DLEC1: variants seen among roughly 807,000 people sequenced by gnomAD.
DLEC1 encodes DLEC1 cilia and flagella associated protein, also known as deleted in lung and esophageal cancer protein 1.
A neutral mutation model predicts 198.1 loss-of-function variants in DLEC1; 146 were observed. That is an observed-to-expected ratio of 0.74 (90% CI 0.64 to 0.85). DLEC1 has a LOEUF of 0.85. Among genes scored for constraint, DLEC1 ranks in the 40% least tolerant of loss-of-function variants. The probability of loss-of-function intolerance (pLI) is 0.00; values close to 1 mark genes in which losing one functional copy is unlikely to be tolerated. For synonymous variants in DLEC1, 897 were observed against 866.8 expected, an observed-to-expected ratio of 1.03 and a Z score of -0.61; for missense variants, 2,233 against 2,220.0, an observed-to-expected ratio of 1.01 and a Z score of -0.12.
intron 2 of DLEC1, among the ~76,000 whole-genome samples, chr3:38,047,835 T>G (rs931363007): frequency 4.6e-5 from 7 of 152,366 alleles, no homozygotes; most frequent in Middle Eastern, 3.4e-3. Flanking sequence ...CTAATGGTAA[T>G]AATAATTCTA....
In DLEC1 at chr3:38,093,721, A is replaced by G; in HGVS notation, c.1873A>G (p.Asn625Asp). The G allele has an allele frequency of 6.2e-7, 1 of 1,614,214 alleles. No individual in the cohort carries two copies. The highest frequency in any genetic ancestry group is 1.1e-5 in the South Asian group (1 of 91,090). ...AQHFIRFEPENLRSTARKQLI... is the reference protein window; with the variant it reads ...AQHFIRFEPEDLRSTARKQLI... ...GCACTTCATACGATTTGAGCCTGAA[A>G]ACCTTCGGTCCACGGCTAGGAAGCA... The change falls in exon 12 of 37, where the codon AAC (asparagine) becomes GAC (aspartate). Residue 625 changes from asparagine (N) to aspartate (D), a missense_variant. By Grantham distance (23) the Asn-to-Asp change is conservative. Coordinates refer to ENST00000308059, the MANE Select transcript of DLEC1 (RefSeq NM_007335.4).
At chr3:38,122,221 A>G (rs1334087847) in intron 36 of DLEC1, 27 bp downstream of exon 36, 1 of 1,610,440 alleles carries the variant, frequency 6.2e-7, no homozygotes, top group Admixed American at 1.7e-5. Context: ...CCTTCCCCAA[A>G]CTGCCCACAG....
At chr3:38,089,952 G>C (rs547667843) in intron 10 of DLEC1, among the ~76,000 whole-genome samples, 19 of 152,336 alleles carry the variant, frequency 1.2e-4, no homozygotes, top group East Asian at 3.9e-4. Flanking sequence ...GCTAAAGCAA[G>C]AGAACTGCTG....
chr3:38,063,996 CTTT>C (rs375420632), intron 6 of DLEC1, 77 bp downstream of exon 6: 7 of 562,842 alleles, frequency 1.2e-5, no homozygotes, highest in Non-Finnish European at 1.8e-5. Flanking sequence ...TGGAAATTTT[CTTT>C]TTTTTTTCTT....
intron 7 of DLEC1, among the ~76,000 whole-genome samples, 192 bp downstream of exon 7, chr3:38,084,437 G>GGTAGTAGTAGTA (rs1698275104): frequency 1.8e-3 from 4 of 2,174 alleles, no homozygotes; most frequent in Non-Finnish European, 2.8e-3. Context: ...TAGTAGTAGT[G>GGTAGTAGTAGTA]GTGGTGGTGG....
chr3:38,085,166 G>A (rs1698384366), intron 7 of DLEC1, 108 bp from the exon 8 acceptor site: 1 of 1,243,592 alleles, frequency 8.0e-7, no homozygotes. Flanking sequence ...GGCCCAGAAG[G>A]CACTTACAGA....
chr3:38,095,887 G>A lies in DLEC1; in HGVS notation c.2113-1G>A. 2 of 1,613,906 alleles carry A rather than the reference G, an allele frequency of 1.2e-6. No individual in the cohort carries two copies. Among genetic ancestry groups the A allele is most frequent in the Non-Finnish European group, 1.7e-6 (2 of 1,179,992 alleles). ...TTCAGGGCACTGTGTTTGCCTTGCAGCTGAGGGATTTTCACAGTGTGCTCC... is the reference window on the plus strand; with the variant it reads ...TTCAGGGCACTGTGTTTGCCTTGCAACTGAGGGATTTTCACAGTGTGCTCC... On this transcript the variant is annotated splice_acceptor_variant, in intron 13 of 36. Transcript: ENST00000308059. LOFTEE classifies it high-confidence loss of function.
At chr3:38,073,360 G>A (rs1227327072) in intron 6 of DLEC1, among the ~76,000 whole-genome samples, 1 of 152,196 alleles carries the variant, frequency 6.6e-6, no homozygotes, top group Non-Finnish European at 1.5e-5. Flanking sequence ...GCTGTAGCAG[G>A]CGAGTGATAA....
intron 2 of DLEC1, chr3:38,051,996 C>A: frequency 1.1e-5 from 2 of 190,030 alleles, no homozygotes; most frequent in East Asian, 1.2e-4. Flanking sequence ...GACATCAAAC[C>A]TGCTAACCTG....
intron 6 of DLEC1, among the ~76,000 whole-genome samples, chr3:38,066,256 C>T (rs1697024736): frequency 6.6e-6 from 1 of 152,186 alleles, no homozygotes; most frequent in African/African-American, 2.4e-5. Flanking sequence ...TGTCCAGATC[C>T]ATTTTTTCTT....
intron 1 of DLEC1, among the ~76,000 whole-genome samples, chr3:38,044,451 T>C (rs9860736): frequency 0.013 from 1,964 of 151,848 alleles, 39 homozygotes; most frequent in African/African-American, 0.043. Context: ...TAATCCCAGC[T>C]GCTTCAGAGG....
Position 38,116,603 on chromosome 3 carries a change from T to C in DLEC1, c.4007T>C (p.Leu1336Pro). Residue 1336 changes from leucine (L) to proline (P), a missense_variant, in exon 28 of 37, where the codon CTC becomes CCC. Leu to Pro is a moderately conservative substitution (Grantham distance 98). Transcript: ENST00000308059. ...GATACCCCTGAGGGTGGCTGCCTCC[T>C]CTGGTCCCCAGGCCCCTCCAGTTCA... is the stretch of plus-strand genomic sequence containing the variant. ...CPDTPEGGCL[L>P]WSPGPSSSSE... 2 of 1,614,108 alleles carry C rather than the reference T, an allele frequency of 1.2e-6. No individual in the cohort carries two copies. Among genetic ancestry groups the C allele is most frequent in the Non-Finnish European group, 1.7e-6 (2 of 1,179,990 alleles).
At chr3:38,072,956 G>T (rs1697405150) in intron 6 of DLEC1, among the ~76,000 whole-genome samples, 1 of 152,168 alleles carries the variant, frequency 6.6e-6, no homozygotes, top group Non-Finnish European at 1.5e-5. Context: ...ATTGAATAAG[G>T]TGAGAAGCGG....
At chr3:38,090,823 AC>A (rs1446886939) in intron 10 of DLEC1, among the ~76,000 whole-genome samples, 2 of 152,214 alleles carry the variant, frequency 1.3e-5, no homozygotes, top group Non-Finnish European at 2.9e-5. Context: ...GTATATAAAA[AC>A]ATATACAAAA....
chr3:38,092,077 A>G (rs943598236), intron 10 of DLEC1, among the ~76,000 whole-genome samples: 3 of 152,232 alleles, frequency 2.0e-5, no homozygotes, highest in Non-Finnish European at 2.9e-5. Context: ...TCCTGGGCTC[A>G]AAAGATACCA....
At chr3:38,097,035 G>C (rs1699059734) in intron 15 of DLEC1, 147 bp from the exon 16 acceptor site, 1 of 835,656 alleles carries the variant, frequency 1.2e-6, no homozygotes, top group East Asian at 2.7e-5. Context: ...TTTTGGGTTG[G>C]GAGGCCCATG....
chr3:38,107,479 T>G, intron 19 of DLEC1, 105 bp from the exon 20 acceptor site: 1 of 1,243,992 alleles, frequency 8.0e-7, no homozygotes, highest in South Asian at 1.8e-5. Flanking sequence ...TCTAAAAATA[T>G]AGATACCTTG....
At chr3:38,058,899 TA>T (rs1234686277) in intron 2 of DLEC1, among the ~76,000 whole-genome samples, 8 of 152,160 alleles carry the variant, frequency 5.3e-5, no homozygotes, top group Non-Finnish European at 1.0e-4. Flanking sequence ...AGTCTATTTT[TA>T]AAAAAGCCTT....
intron 19 of DLEC1, among the ~76,000 whole-genome samples, chr3:38,101,169 AT>A (rs1465830060): frequency 6.6e-6 from 1 of 152,082 alleles, no homozygotes; most frequent in Non-Finnish European, 1.5e-5. Flanking sequence ...TAAAATATTC[AT>A]TTTCCTGCTG....
Sources: gnomAD v4.1 joint callset for allele counts (sites outside exome capture counted in the v4.1 genomes callset) on GRCh38, gnomAD v4.1.1 for gene constraint, MANE v1.5 for transcripts, NCBI Gene and HGNC (gene_info 2026-07-23, HGNC 2026-07-21) for gene names.